Variants in RPAP1 observed in about 807,000 individuals in gnomAD.
RPAP1 encodes RNA polymerase II-associated protein 1.
RPAP1 carries 109 observed loss-of-function variants against 142.4 expected under a neutral mutation model. The observed-to-expected ratio is 0.77, with a 90% CI of 0.66 to 0.90. The LOEUF (loss-of-function observed/expected upper bound fraction) is 0.90. Ranked by LOEUF, RPAP1 falls within the 40% of genes least tolerant of loss-of-function variation. The pLI is 0.00. For missense variants in RPAP1, 1,546 were observed against 1,751.7 expected (o/e 0.88, Z 2.10); for synonymous variants, 704 against 738.9 (o/e 0.95, Z 0.77).
intron 7 of RPAP1, among the ~76,000 whole-genome samples, chr15:41,530,701 CAG>C (rs2140775794): frequency 6.6e-6 from 1 of 152,260 alleles, no homozygotes; most frequent in South Asian, 2.1e-4. Context: ...GTGGGATGGA[CAG>C]AGCCAGAGCT....
chr15:41,527,034 A>G lies in RPAP1; in HGVS notation c.1781T>C (p.Val594Ala), dbSNP rs1444594205. Residue 594 changes from valine (V) to alanine (A), a missense_variant, in exon 14 of 25, where the codon GTT becomes GCT. Physicochemically the swap from Val to Ala is moderately conservative, Grantham distance 64. Transcript: ENST00000304330. The part of the protein sequence containing the change: ...LECPRLIETI[V>A]REFLPTSWSP... ...CCAACTGGTGGGCAAGAACTCTCGA[A>G]CTATAGTCTCTATCAGCCGAGGGCA... is the stretch of plus-strand genomic sequence containing the variant. The G allele has an allele frequency of 1.2e-6, 2 of 1,614,114 alleles. No individual in the cohort carries two copies. Among genetic ancestry groups the G allele is most frequent in the African/African-American group, 1.3e-5 (1 of 74,944 alleles).
intron 9 of RPAP1, among the ~76,000 whole-genome samples, chr15:41,528,799 AC>A (rs2051820338): frequency 6.6e-6 from 1 of 152,158 alleles, no homozygotes; most frequent in Non-Finnish European, 1.5e-5. Flanking sequence ...CCCAGCTGAG[AC>A]CAGAACCTTA....
chr15:41,524,869 C>T, intron 15 of RPAP1, 122 bp downstream of exon 15: 1 of 1,007,524 alleles, frequency 9.9e-7, no homozygotes, highest in Non-Finnish European at 1.4e-6. Context: ...GGCAGAAGCC[C>T]TCCCACTCAT....
At position 41,523,281 on chromosome 15, in the gene RPAP1, C is replaced by T; in HGVS notation, c.2510G>A (p.Ser837Asn). 1 of 1,612,382 alleles carries T rather than the reference C, an allele frequency of 6.2e-7. No individual in the cohort carries two copies. Among genetic ancestry groups the T allele is most frequent in the Non-Finnish European group, 8.5e-7 (1 of 1,179,178 alleles). ...CCACAGGCTGCCCAGTGTGGGCTGA[C>T]TCAGCAGTGGCAGCAGCAGCTCCTC... ...LSEELLLPLL[S>N]QPTLGSLWDS... The change falls in exon 18 of 25, where the codon AGT becomes AAT. Residue 837 changes from serine to asparagine, a missense_variant. Transcript: ENST00000304330.
At chr15:41,542,003 C>T (rs543891555) in intron 1 of RPAP1, among the ~76,000 whole-genome samples, 200 of 152,222 alleles carry the variant, frequency 1.3e-3, no homozygotes, top group South Asian at 2.5e-3. Flanking sequence ...AATCACATGA[C>T]GGTGTGACCT....
chr15:41,533,164 G>A (rs1595487028), intron 6 of RPAP1, among the ~76,000 whole-genome samples: 1 of 152,030 alleles, frequency 6.6e-6, no homozygotes, highest in East Asian at 1.9e-4. Flanking sequence ...CAAGTTTAAG[G>A]ACAGAACTGA....
intron 1 of RPAP1, among the ~76,000 whole-genome samples, chr15:41,542,986 A>G (rs2051984652): frequency 6.6e-6 from 1 of 152,142 alleles, no homozygotes; most frequent in Admixed American, 6.6e-5. Flanking sequence ...ATAAGAGTCT[A>G]CATAAGCAGA....
At chr15:41,535,713 G>T in intron 4 of RPAP1, 81 bp from the exon 5 acceptor site, 1 of 1,532,688 alleles carries the variant, frequency 6.5e-7, no homozygotes, top group Non-Finnish European at 8.8e-7. Flanking sequence ...AAGGCCTCTG[G>T]AACAAAGAGA....
At chr15:41,520,166 T>C (rs1489991374) in intron 22 of RPAP1, 2 of 566,810 alleles carry the variant, frequency 3.5e-6, no homozygotes, top group Admixed American at 6.2e-5. Context: ...ACTCCTGACC[T>C]TAAGTGATCC....
intron 4 of RPAP1, among the ~76,000 whole-genome samples, 153 bp from the exon 5 acceptor site, chr15:41,535,785 C>T (rs184785425): frequency 4.6e-5 from 7 of 152,274 alleles, no homozygotes; most frequent in African/African-American, 1.7e-4. Context: ...AAGGAGAGGT[C>T]TATAAGAGTA....
At chr15:41,523,156 G>A in intron 18 of RPAP1, 89 bp downstream of exon 18, 1 of 1,064,772 alleles carries the variant, frequency 9.4e-7, no homozygotes, top group Non-Finnish European at 1.4e-6. Context: ...TGCACCCTGG[G>A]ATGGACCTGG....
At chr15:41,539,623 T>G (rs1212022351) in intron 1 of RPAP1, among the ~76,000 whole-genome samples, 1 of 151,990 alleles carries the variant, frequency 6.6e-6, no homozygotes, top group African/African-American at 2.4e-5. Flanking sequence ...AGAGACAGGA[T>G]TTCACCATGT....
intron 14 of RPAP1, 168 bp from the exon 15 acceptor site, chr15:41,525,316 T>A: frequency 2.7e-6 from 1 of 375,144 alleles, no homozygotes; most frequent in Non-Finnish European, 4.6e-6. Flanking sequence ...ATTTAAAATT[T>A]CAATTTTATT....
chr15:41,529,724 T>C (rs943161455), intron 8 of RPAP1, 140 bp downstream of exon 8: 2 of 831,046 alleles, frequency 2.4e-6, no homozygotes, highest in African/African-American at 1.7e-5. Flanking sequence ...GGCAGAGTGA[T>C]GGTAAAGGTG....
Position 41,535,042 on chromosome 15 carries a change from C to T in RPAP1, c.542-107G>A, listed in dbSNP as rs2051893639. On this transcript the variant is annotated intron_variant, in intron 5 of 24. Coordinates refer to ENST00000304330, the MANE Select transcript of RPAP1 (RefSeq NM_015540.4). ...TTAGCCCTGGAGACAGGTATAGACCCAAACTTTCCTCAGAGTGGAGACCCC... is the reference window on the plus strand; with the variant it reads ...TTAGCCCTGGAGACAGGTATAGACCTAAACTTTCCTCAGAGTGGAGACCCC... 19 of 1,124,326 alleles carry T rather than the reference C, an allele frequency of 1.7e-5. No homozygotes were observed. The East Asian group carries it at 4.9e-4, about 29-fold the overall frequency. The allele number at this position is 1,124,326 out of a possible 1,614,324, so 69.6% of individuals were successfully genotyped here. A position where few individuals can be genotyped will look rare whatever the true frequency, so the allele number is the denominator to read the frequency against.
At chr15:41,528,049 C>T (rs2051813571) in intron 10 of RPAP1, 22 bp from the exon 11 acceptor site, 1 of 1,612,124 alleles carries the variant, frequency 6.2e-7, no homozygotes, top group Non-Finnish European at 8.5e-7. Flanking sequence ...AGGGTAAAAC[C>T]TTGCTGAAGA....
At chr15:41,536,311 C>G (rs1267207049) in intron 3 of RPAP1, 93 bp from the exon 4 acceptor site, 1 of 1,373,106 alleles carries the variant, frequency 7.3e-7, no homozygotes. Flanking sequence ...ACGATGAGAA[C>G]CTCACTCTGG....
chr15:41,521,045 C>G lies in RPAP1; in HGVS notation c.3141G>C (p.Gln1047His). ...GGATGCTGGGGAGGTCCTGGCAGGC[C>G]TGAGCCAGCAGAGTCCCTTGCCCAC... is the stretch of plus-strand genomic sequence containing the variant. ...PRCGQGTLLAQACQDLPSIRN... is the reference protein window; with the variant it reads ...PRCGQGTLLAHACQDLPSIRN... Residue 1047 changes from glutamine (Q) to histidine (H), a missense_variant, in exon 22 of 25, where the codon CAG (glutamine) becomes CAC (histidine). By Grantham distance (24) the Gln-to-His change is conservative. Transcript: ENST00000304330. 2 of 1,590,736 alleles carry G rather than the reference C, an allele frequency of 1.3e-6. No individual in the cohort carries two copies. Among genetic ancestry groups the G allele is most frequent in the Non-Finnish European group, 1.7e-6 (2 of 1,168,660 alleles).
chr15:41,529,390 G>T (rs2051825432), intron 9 of RPAP1, 80 bp downstream of exon 9: 2 of 924,972 alleles, frequency 2.2e-6, no homozygotes, highest in Non-Finnish European at 1.7e-6. Context: ...CACACAGAAG[G>T]TCAAAGGCAG....
Sources: allele counts gnomAD v4.1 joint callset (sites outside exome capture counted in the v4.1 genomes callset), GRCh38; gene constraint gnomAD v4.1.1; transcripts MANE v1.5; gene names NCBI Gene and HGNC (gene_info 2026-07-23, HGNC 2026-07-21).